RALGPS2: variants seen among roughly 807,000 people sequenced by gnomAD.
The protein encoded by RALGPS2 is ras-specific guanine nucleotide-releasing factor RalGPS2.
A neutral mutation model predicts 86.8 loss-of-function variants in RALGPS2; 43 were observed. That is an observed-to-expected ratio of 0.50 (90% CI 0.39 to 0.64). The LOEUF (loss-of-function observed/expected upper bound fraction) is 0.64. Among genes scored for constraint, RALGPS2 ranks in the 30% least tolerant of loss-of-function variants. The pLI, the probability that RALGPS2 is intolerant of heterozygous loss-of-function variation, is 0.00. For missense variants in RALGPS2, 536 were observed against 694.6 expected, an observed-to-expected ratio of 0.77 and a Z score of 2.57; for synonymous variants, 243 against 231.3, an observed-to-expected ratio of 1.05 and a Z score of -0.46.
Position 178,824,954 on chromosome 1 carries a change from A to C in RALGPS2, c.480+3250A>C, listed in dbSNP as rs568562334. On this transcript the variant is annotated intron_variant, in intron 7 of 19. Transcript: ENST00000367635. ...ATTGTTTTGTTTCCTCAGACATAAA[A>C]AAGCAAGGTCTTTAGTTAAGGTGGT... Among the ~76,000 whole-genome samples, 9 of 152,322 alleles carry C rather than the reference A, an allele frequency of 5.9e-5. No homozygotes were observed. The East Asian group carries it at 1.4e-3, about 23-fold the overall frequency.
chr1:178,918,942 A>C lies in RALGPS2; in HGVS notation c.*2583A>C, dbSNP rs901812402. ...AGTGACTCAAAAACTCAAAATGTTC[A>C]TCAGCATTCAGGTCATTTGTTTCAC... On this transcript the variant is annotated 3_prime_UTR_variant, in exon 20 of 20. Coordinates refer to ENST00000367635, the MANE Select transcript of RALGPS2 (RefSeq NM_152663.5). 9 of 152,108 alleles carry C rather than the reference A, an allele frequency of 5.9e-5. No homozygotes were observed. In the East Asian group the frequency reaches 1.7e-3, roughly 29 times the overall value. 9.4% of individuals were successfully genotyped at this position (152,108 alleles called of 1,614,324 possible).
intron 8 of RALGPS2, among the ~76,000 whole-genome samples, chr1:178,870,106 AAATT>A (rs1658658267): frequency 1.3e-5 from 2 of 152,186 alleles, no homozygotes. Context: ...CATCCAAATT[AAATT>A]ACTATTACAT....
At chr1:178,738,780 T>C (rs892772141) in intron 1 of RALGPS2, among the ~76,000 whole-genome samples, 3 of 152,238 alleles carry the variant, frequency 2.0e-5, no homozygotes, top group Non-Finnish European at 4.4e-5. Flanking sequence ...TCTCATAGGA[T>C]CATTGTAAGG....
chr1:178,877,424 C>T (rs545719777), intron 8 of RALGPS2, 74 bp from the exon 9 acceptor site: 2 of 1,584,748 alleles, frequency 1.3e-6, no homozygotes, highest in Admixed American at 1.8e-5. Context: ...TAAACAACCC[C>T]TTCCCCCCTT....
chr1:178,852,626 C>G (rs1346538309), intron 8 of RALGPS2: 2 of 1,535,750 alleles, frequency 1.3e-6, no homozygotes, highest in East Asian at 4.5e-5. Context: ...TTAGTAGATT[C>G]TATTTAATGC....
At chr1:178,861,935 C>T (rs1311490562) in intron 8 of RALGPS2, among the ~76,000 whole-genome samples, 1 of 151,908 alleles carries the variant, frequency 6.6e-6, no homozygotes, top group Non-Finnish European at 1.5e-5. Flanking sequence ...TGCAGTGGTG[C>T]GATCTCGGCT....
At chr1:178,892,084 GAA>G (rs1297100990) in intron 14 of RALGPS2, 144 bp from the exon 15 acceptor site, 2 of 785,216 alleles carry the variant, frequency 2.5e-6, no homozygotes, top group Non-Finnish European at 3.8e-6. Context: ...CTTTAAAAAA[GAA>G]AGAGGAACAA....
chr1:178,909,643 ATTTTTTTTTTTT>A (rs57890269), intron 19 of RALGPS2, among the ~76,000 whole-genome samples: 5 of 72,384 alleles, frequency 6.9e-5, no homozygotes, highest in Admixed American at 3.6e-4. Flanking sequence ...TTCTTTTTTA[ATTTTTTTTTTTT>A]TTTTTTTTTT....
At chr1:178,752,132 A>C (rs1234736693) in intron 1 of RALGPS2, among the ~76,000 whole-genome samples, 1 of 147,752 alleles carries the variant, frequency 6.8e-6, no homozygotes, top group Admixed American at 6.7e-5. Flanking sequence ...TTTGTGTAGT[A>C]ATTTTTTTTT....
chr1:178,735,539 T>C (rs532938702), intron 1 of RALGPS2, among the ~76,000 whole-genome samples: 11 of 149,466 alleles, frequency 7.4e-5, no homozygotes, highest in South Asian at 2.1e-4. Context: ...TTCTCCTGCC[T>C]CAGCCTCCCA....
chr1:178,914,783 A>T (rs1660748224), intron 19 of RALGPS2, among the ~76,000 whole-genome samples: 1 of 152,234 alleles, frequency 6.6e-6, no homozygotes, highest in Non-Finnish European at 1.5e-5. Flanking sequence ...AGCAACCTCC[A>T]TAAAGGACAT....
chr1:178,907,012 G>T, intron 19 of RALGPS2, 145 bp downstream of exon 19: 2 of 732,988 alleles, frequency 2.7e-6, no homozygotes, highest in Non-Finnish European at 4.5e-6. Context: ...AATAAGATAT[G>T]AAGGTCTACA....
chr1:178,746,191 T>A (rs180863522), intron 1 of RALGPS2, among the ~76,000 whole-genome samples: 93 of 152,292 alleles, frequency 6.1e-4, no homozygotes, highest in Admixed American at 3.4e-3. Flanking sequence ...AAATCAAATA[T>A]GTGATTAAGG....
At chr1:178,850,959 G>A (rs1405662978) in intron 8 of RALGPS2, 6 of 513,520 alleles carry the variant, frequency 1.2e-5, no homozygotes, top group Non-Finnish European at 1.9e-5. Flanking sequence ...AGTAATTGAC[G>A]ACAGATGAAA....
At chr1:178,764,883 G>C (rs1652418129) in intron 1 of RALGPS2, among the ~76,000 whole-genome samples, 1 of 152,060 alleles carries the variant, frequency 6.6e-6, no homozygotes, top group African/African-American at 2.4e-5. Flanking sequence ...TGGATCATGG[G>C]GGTGGTTTCT....
rs1045564557 is a variant in RALGPS2 at position 178,846,437 on chromosome 1, A to G, written c.607+12887A>G. Among the ~76,000 whole-genome samples, 19 of 152,220 alleles carry G rather than the reference A, an allele frequency of 1.2e-4. 1 individual carries two copies. The highest frequency in any genetic ancestry group is 7.4e-5 in the Non-Finnish European group (5 of 68,022). ...TGATTTTCTTTTGGATTTGAGAATA[A>G]GCTCTGACCAAATGGCAGCTAGCCC... On this transcript the variant is annotated intron_variant, in intron 8 of 19. Coordinates refer to ENST00000367635, the MANE Select transcript of RALGPS2 (RefSeq NM_152663.5).
chr1:178,827,515 C>T (rs553954355), intron 7 of RALGPS2, among the ~76,000 whole-genome samples: 2 of 150,846 alleles, frequency 1.3e-5, no homozygotes, highest in Non-Finnish European at 3.0e-5. Flanking sequence ...CTGCCTCAGC[C>T]TCCCAAGTAG....
At chr1:178,826,743 C>T (rs1655762478) in intron 7 of RALGPS2, among the ~76,000 whole-genome samples, 1 of 151,900 alleles carries the variant, frequency 6.6e-6, no homozygotes, top group Admixed American at 6.6e-5. Context: ...AATATATGAG[C>T]AATACAAAAT....
intron 2 of RALGPS2, among the ~76,000 whole-genome samples, chr1:178,783,958 G>C (rs1186617349): frequency 1.3e-5 from 2 of 152,014 alleles, no homozygotes; most frequent in East Asian, 3.8e-4. Context: ...ACATAACTAA[G>C]AATGGATTAT....
Sources: allele counts gnomAD v4.1 joint callset (sites outside exome capture counted in the v4.1 genomes callset), GRCh38; gene constraint gnomAD v4.1.1; transcripts MANE v1.5; gene names NCBI Gene and HGNC (gene_info 2026-07-23, HGNC 2026-07-21).